Variants in TCF7L2 observed in about 807,000 individuals in gnomAD.
TCF7L2 encodes transcription factor 7 like 2.
A neutral mutation model predicts 77.9 loss-of-function variants in TCF7L2; 23 were observed. The observed-to-expected ratio is 0.30, with a 90% CI of 0.21 to 0.42. TCF7L2 has a LOEUF of 0.42. Ranked by LOEUF, TCF7L2 falls within the 10% of genes least tolerant of loss-of-function variation. The pLI is 1.00. For synonymous variants in TCF7L2, 413 were observed against 340.2 expected, an observed-to-expected ratio of 1.21 and a Z score of -2.36; for missense variants, 654 against 793.1, an observed-to-expected ratio of 0.82 and a Z score of 2.11.
intron 5 of TCF7L2, among the ~76,000 whole-genome samples, chr10:113,051,203 C>CCA (rs55771704): frequency 0.4 from 56,356 of 140,254 alleles, 11,249 homozygotes; most frequent in East Asian, 0.57. Context: ...TGCATACACA[C>CCA]CACACACACA....
intron 4 of TCF7L2, among the ~76,000 whole-genome samples, chr10:112,980,862 G>A (rs1408681803): frequency 1.3e-5 from 2 of 152,096 alleles, no homozygotes; most frequent in East Asian, 1.9e-4. Context: ...TCTTGACCTC[G>A]TGATCCGCCC....
intron 4 of TCF7L2, among the ~76,000 whole-genome samples, chr10:113,038,413 C>T (rs533964107): frequency 6.6e-6 from 1 of 152,240 alleles, no homozygotes; most frequent in Admixed American, 6.5e-5. Context: ...AGATCCTAGA[C>T]GTCATGGGAA....
At chr10:113,163,281 G>A (rs2073487081) in intron 13 of TCF7L2, among the ~76,000 whole-genome samples, 1 of 152,148 alleles carries the variant, frequency 6.6e-6, no homozygotes, top group Non-Finnish European at 1.5e-5. Context: ...AAGGTTTCTA[G>A]TTTCATTTGA....
chr10:113,126,922 G>A (rs373638322), intron 5 of TCF7L2: 1 of 985,548 alleles, frequency 1.0e-6, no homozygotes. Flanking sequence ...AGGGGTGCGC[G>A]GTGGCCGGCC....
At chr10:113,152,975 C>T (rs1335287305) in intron 11 of TCF7L2, among the ~76,000 whole-genome samples, 1 of 152,180 alleles carries the variant, frequency 6.6e-6, no homozygotes, top group East Asian at 1.9e-4. Flanking sequence ...CTGAGAGGAG[C>T]ATGATGGGAA....
intron 4 of TCF7L2, among the ~76,000 whole-genome samples, chr10:113,023,634 G>A (rs2048597164): frequency 1.3e-5 from 2 of 151,936 alleles, no homozygotes; most frequent in African/African-American, 4.8e-5. Context: ...ACCACACCCA[G>A]CTAATTTTTC....
rs779536700 is a variant in TCF7L2, at chr10:113,120,370, A to AT, written c.553-20813dup. ...AGAGCAACCACATCAACTTTCTAAG[A>AT]TCAGGTCAATGGGAAGCAGTTTTTC... is the stretch of plus-strand genomic sequence containing the variant. On this transcript the variant is annotated intron_variant, in intron 5 of 13. Transcript: ENST00000627217. Among the ~76,000 whole-genome samples the AT allele has an allele frequency of 3.9e-5, 6 of 152,302 alleles. No individual in the cohort carries two copies. In the South Asian group the frequency reaches 1.2e-3, roughly 32 times the overall value.
chr10:113,158,659 TTTTTC>T lies in TCF7L2; in HGVS notation c.1318+591_1318+595del. On this transcript the variant is annotated intron_variant, in intron 12 of 13. Transcript: ENST00000627217. ...GAAGGCTTTGTATAATTTGTTCTTT[TTTTTC>T]AGAACACAGCGAATGTTTCCTAAAT... 1 of 1,613,672 alleles carries T rather than the reference TTTTTC, an allele frequency of 6.2e-7. No homozygotes were observed. Among genetic ancestry groups the T allele is most frequent in the Non-Finnish European group, 8.5e-7 (1 of 1,180,000 alleles).
intron 5 of TCF7L2, among the ~76,000 whole-genome samples, chr10:113,049,015 T>C (rs2134480940): frequency 6.6e-6 from 1 of 152,262 alleles, no homozygotes. Context: ...TGAGGTGTAC[T>C]GGAAACTAAG....
chr10:113,058,898 A>T (rs912271972), intron 5 of TCF7L2, among the ~76,000 whole-genome samples: 32 of 152,138 alleles, frequency 2.1e-4, no homozygotes, highest in African/African-American at 7.2e-4. Context: ...ATAGGGTGTG[A>T]TTTAGTTAAT....
At chr10:113,040,003 C>T (rs2134262574) in intron 4 of TCF7L2, 22 bp from the exon 5 acceptor site, 1 of 1,603,694 alleles carries the variant, frequency 6.2e-7, no homozygotes, top group Non-Finnish European at 8.5e-7. Context: ...TTTTTCATTT[C>T]ACTTTTGTTT....
At chr10:112,984,986 A>AC (rs1166784418) in intron 4 of TCF7L2, among the ~76,000 whole-genome samples, 3 of 152,194 alleles carry the variant, frequency 2.0e-5, no homozygotes, top group African/African-American at 2.4e-5. Flanking sequence ...GTGTCCGTTT[A>AC]TTGCCTGTGG....
intron 13 of TCF7L2, among the ~76,000 whole-genome samples, chr10:113,164,331 G>A (rs2073697841): frequency 6.6e-6 from 1 of 152,154 alleles, no homozygotes; most frequent in African/African-American, 2.4e-5. Context: ...TAGTGAAGAG[G>A]GGAGATGCTG....
intron 5 of TCF7L2, among the ~76,000 whole-genome samples, chr10:113,138,179 C>G (rs1319073949): frequency 6.6e-6 from 1 of 152,124 alleles, no homozygotes; most frequent in African/African-American, 2.4e-5. Flanking sequence ...TAAGGCTAGT[C>G]CTAGTACAGG....
chr10:112,992,023 A>G (rs1050034237), intron 4 of TCF7L2, among the ~76,000 whole-genome samples: 22 of 152,214 alleles, frequency 1.4e-4, no homozygotes, highest in African/African-American at 5.3e-4. Flanking sequence ...AAGTATTTCC[A>G]GAGGGTAACC....
chr10:112,951,297 C>CAGCCGCCCGG (rs1033466592), intron 2 of TCF7L2, 24 bp downstream of exon 2: 2 of 1,262,376 alleles, frequency 1.6e-6, no homozygotes, highest in Admixed American at 3.1e-5. Flanking sequence ...GCGCGCCCCG[C>CAGCCGCCCGG]AGCCGCCCGG....
intron 4 of TCF7L2, among the ~76,000 whole-genome samples, chr10:112,966,003 A>G (rs2036676372): frequency 6.6e-6 from 1 of 151,210 alleles, no homozygotes; most frequent in African/African-American, 2.4e-5. Flanking sequence ...GTGAAACCCC[A>G]TCTCTACTAA....
chr10:113,030,669 C>T (rs1352564940), intron 4 of TCF7L2, among the ~76,000 whole-genome samples: 1 of 152,234 alleles, frequency 6.6e-6, no homozygotes, highest in African/African-American at 2.4e-5. Flanking sequence ...TAGTCATCAG[C>T]TTAGCGGCCA....
chr10:112,965,292 T>G (rs2036476830), intron 4 of TCF7L2, among the ~76,000 whole-genome samples: 1 of 152,200 alleles, frequency 6.6e-6, no homozygotes, highest in South Asian at 2.1e-4. Context: ...ATCCGAAGGC[T>G]AAACAAATCA....
Sources: allele counts gnomAD v4.1 joint callset (sites outside exome capture counted in the v4.1 genomes callset), GRCh38; gene constraint gnomAD v4.1.1; transcripts MANE v1.5; gene names NCBI Gene and HGNC (gene_info 2026-07-23, HGNC 2026-07-21).